Variants in GADL1 observed in about 807,000 individuals in gnomAD.
The protein encoded by GADL1 is acidic amino acid decarboxylase GADL1.
In GADL1, 71 loss-of-function variants were observed where a neutral mutation model predicts 69.5. The ratio of observed to expected loss-of-function variants is 1.02; its 90% CI spans 0.84 to 1.25. The LOEUF (loss-of-function observed/expected upper bound fraction) is 1.25, where lower values mean the gene tolerates loss of function less well. GADL1 is among the 50% of genes most tolerant of loss of function. The pLI is 0.00. For missense variants in GADL1, 737 were observed against 631.8 expected (o/e 1.17, Z -1.79); for synonymous variants, 254 against 214.4 (o/e 1.18, Z -1.62).
At chr3:30,879,648 C>T (rs948799984) in intron 1 of GADL1, among the ~76,000 whole-genome samples, 16 of 151,912 alleles carry the variant, frequency 1.1e-4, no homozygotes, top group Middle Eastern at 3.2e-3. Context: ...TTTCTGCACT[C>T]GTCTCTCTTG....
intron 12 of GADL1, chr3:30,797,664 G>GTTTTTGTTTTT (rs951019698): frequency 8.9e-6 from 1 of 112,340 alleles, no homozygotes; most frequent in African/African-American, 2.8e-5. Flanking sequence ...GTTTTGTTTT[G>GTTTTTGTTTTT]TTTTTGTTTT....
At chr3:30,817,595 T>C (rs1697497613) in intron 11 of GADL1, among the ~76,000 whole-genome samples, 1 of 152,166 alleles carries the variant, frequency 6.6e-6, no homozygotes, top group African/African-American at 2.4e-5. Context: ...TTTTCCTTAT[T>C]ACATATAAAT....
chr3:30,856,165 A>T (rs1698227755), intron 3 of GADL1, among the ~76,000 whole-genome samples: 2 of 152,100 alleles, frequency 1.3e-5, no homozygotes. Flanking sequence ...CCAAAGGAAT[A>T]TAATCCAATT....
At chr3:30,847,930 A>G (rs73823932) in intron 6 of GADL1, among the ~76,000 whole-genome samples, 6,353 of 152,160 alleles carry the variant, frequency 0.042, 428 homozygotes, top group African/African-American at 0.14. Flanking sequence ...TTCCCTTTCC[A>G]TGGTAATTAT....
chr3:30,811,900 T>C (rs1697363728), intron 11 of GADL1, among the ~76,000 whole-genome samples: 1 of 152,196 alleles, frequency 6.6e-6, no homozygotes, highest in Non-Finnish European at 1.5e-5. Context: ...TTTAAAATGT[T>C]TCCCAGTGAT....
At chr3:30,841,187 T>C (rs1419280428) in intron 8 of GADL1, among the ~76,000 whole-genome samples, 1 of 152,198 alleles carries the variant, frequency 6.6e-6, no homozygotes, top group Non-Finnish European at 1.5e-5. Context: ...TCATGTATTA[T>C]TATCTCAGAA....
intron 8 of GADL1, 47 bp downstream of exon 8, chr3:30,844,163 G>A (rs765213090): frequency 4.1e-6 from 6 of 1,476,912 alleles, no homozygotes; most frequent in African/African-American, 1.4e-5. Flanking sequence ...GCGGGCGTGC[G>A]CGCACACACA....
At chr3:30,752,763 T>C (rs527515839) in intron 14 of GADL1, among the ~76,000 whole-genome samples, 4 of 152,276 alleles carry the variant, frequency 2.6e-5, no homozygotes, top group South Asian at 4.1e-4. Context: ...GTCCAAAGAT[T>C]TGTTAGCATT....
chr3:30,768,595 AGAGTGGC>A (rs1696343502), intron 14 of GADL1, among the ~76,000 whole-genome samples: 1 of 151,880 alleles, frequency 6.6e-6, no homozygotes, highest in Non-Finnish European at 1.5e-5. Flanking sequence ...CGGAGAAGGA[AGAGTGGC>A]GAGACTGGAG....
At chr3:30,842,369 A>AT (rs1346131167) in intron 8 of GADL1, among the ~76,000 whole-genome samples, 3 of 152,166 alleles carry the variant, frequency 2.0e-5, no homozygotes, top group African/African-American at 4.8e-5. Context: ...TAGTGGTGGT[A>AT]TGAGGGTATG....
intron 13 of GADL1, among the ~76,000 whole-genome samples, chr3:30,783,177 G>A (rs1696706099): frequency 6.6e-6 from 1 of 152,144 alleles, no homozygotes; most frequent in Admixed American, 6.5e-5. Flanking sequence ...CTCAGTTGAT[G>A]AAACATTAAT....
chr3:30,839,847 C>CA (rs1471684691), intron 8 of GADL1, among the ~76,000 whole-genome samples: 1 of 150,624 alleles, frequency 6.6e-6, no homozygotes, highest in African/African-American at 2.5e-5. Context: ...TGGGTGCACA[C>CA]AAACAGATGA....
chr3:30,765,568 C>T lies in GADL1; in HGVS notation c.1392+12611G>A, dbSNP rs749661795. ...TACCAGGGCTTGCTTCATGGGTGTG[C>T]AACCTGTGCAGCTGAACAAGGCCCT... On this transcript the variant is annotated intron_variant, in intron 14 of 14. Transcript: ENST00000282538. 5.3e-4 allele frequency among the ~76,000 whole-genome samples: 81 copies of T among 152,212 alleles called. 1 individual carries two copies. The highest frequency in any genetic ancestry group is 1.3e-4 in the Non-Finnish European group (9 of 68,030).
chr3:30,753,262 G>A (rs1472306835), intron 14 of GADL1, among the ~76,000 whole-genome samples: 3 of 152,058 alleles, frequency 2.0e-5, no homozygotes, highest in African/African-American at 4.8e-5. Flanking sequence ...TACGTTACAT[G>A]ATCTATACAC....
At chr3:30,794,058 T>G (rs768348511) in intron 12 of GADL1, among the ~76,000 whole-genome samples, 1 of 152,226 alleles carries the variant, frequency 6.6e-6, no homozygotes, top group South Asian at 2.1e-4. Flanking sequence ...AAACAAAGAC[T>G]GTTCCCTAGT....
chr3:30,854,698 C>T lies in GADL1; in HGVS notation c.428+1G>A, dbSNP rs1255726790. The T allele has an allele frequency of 1.3e-6, 2 of 1,532,312 alleles. No individual in the cohort carries two copies. Among genetic ancestry groups the T allele is most frequent in the Admixed American group, 2.0e-5 (1 of 50,848 alleles). The allele number at this position is 1,532,312 out of a possible 1,614,324, so 94.9% of individuals were successfully genotyped here. On this transcript the variant is annotated splice_donor_variant, in intron 4 of 14. Transcript: ENST00000282538. LOFTEE classifies it high-confidence loss of function. ...TGAAATTTCTATAGCATGGCACTTACACACTTGGATTCAATGCTTCGGTCA... is the reference window on the plus strand; with the variant it reads ...TGAAATTTCTATAGCATGGCACTTATACACTTGGATTCAATGCTTCGGTCA...
intron 1 of GADL1, among the ~76,000 whole-genome samples, chr3:30,886,357 T>A (rs896814848): frequency 3.3e-5 from 5 of 152,018 alleles, no homozygotes; most frequent in African/African-American, 1.2e-4. Context: ...AAAGACAAGG[T>A]GTTGATTTCT....
intron 11 of GADL1, among the ~76,000 whole-genome samples, chr3:30,811,181 A>C (rs1361033692): frequency 6.6e-6 from 1 of 152,136 alleles, no homozygotes; most frequent in Non-Finnish European, 1.5e-5. Flanking sequence ...CCAGAGTGTA[A>C]ATCTTCCTTA....
At chr3:30,755,860 T>A (rs1695957588) in intron 14 of GADL1, among the ~76,000 whole-genome samples, 1 of 152,140 alleles carries the variant, frequency 6.6e-6, no homozygotes, top group South Asian at 2.1e-4. Context: ...TTTGCATACA[T>A]AACATTCATA....
Sources: allele counts gnomAD v4.1 joint callset (sites outside exome capture counted in the v4.1 genomes callset), GRCh38; gene constraint gnomAD v4.1.1; transcripts MANE v1.5; gene names NCBI Gene and HGNC (gene_info 2026-07-23, HGNC 2026-07-21).